Variants in CSMD1 observed in about 807,000 individuals in gnomAD.
The protein encoded by CSMD1 is CUB and sushi domain-containing protein 1.
CSMD1 carries 213 observed loss-of-function variants against 417.5 expected under a neutral mutation model. That is an observed-to-expected ratio of 0.51 (90% CI 0.46 to 0.57). The LOEUF is 0.57. Among genes scored for constraint, CSMD1 ranks in the 20% least tolerant of loss-of-function variants. The pLI, the probability that CSMD1 is intolerant of heterozygous loss-of-function variation, is 0.00. For synonymous variants in CSMD1, 2,862 were observed against 1,736.8 expected, an observed-to-expected ratio of 1.65 and a Z score of -16.11; for missense variants, 6,923 against 4,529.7, an observed-to-expected ratio of 1.53 and a Z score of -15.17.
At chr8:4,419,918 G>C (rs914271886) in intron 3 of CSMD1, 35 bp downstream of exon 3, 12 of 1,305,852 alleles carry the variant, frequency 9.2e-6, no homozygotes, top group South Asian at 1.3e-5. Context: ...CATTTGGACA[G>C]TGAATGCATG....
chr8:4,221,197 C>A (rs1439028639), intron 3 of CSMD1, among the ~76,000 whole-genome samples: 1 of 152,154 alleles, frequency 6.6e-6, no homozygotes, highest in Non-Finnish European at 1.5e-5. Context: ...TGGCTTTAGT[C>A]TCTGCCCCAT....
intron 5 of CSMD1, among the ~76,000 whole-genome samples, chr8:3,986,221 C>T (rs897876729): frequency 2.0e-5 from 3 of 152,088 alleles, no homozygotes; most frequent in Non-Finnish European, 4.4e-5. Context: ...GCAAAGACAC[C>T]AGATGGAGGA....
At chr8:2,991,053 T>G (rs967261177) in intron 54 of CSMD1, among the ~76,000 whole-genome samples, 3 of 152,210 alleles carry the variant, frequency 2.0e-5, no homozygotes, top group Non-Finnish European at 4.4e-5. Context: ...TCAGATAAAC[T>G]TGGGCTCATA....
At chr8:4,255,246 T>G (rs556370852) in intron 3 of CSMD1, among the ~76,000 whole-genome samples, 1 of 152,254 alleles carries the variant, frequency 6.6e-6, no homozygotes, top group African/African-American at 2.4e-5. Flanking sequence ...TGACTAAAAT[T>G]TTATCCAGTG....
intron 12 of CSMD1, among the ~76,000 whole-genome samples, chr8:3,423,825 T>G (rs1813652649): frequency 6.6e-6 from 1 of 152,198 alleles, no homozygotes; most frequent in African/African-American, 2.4e-5. Flanking sequence ...CGACCTTGTC[T>G]CTCCTCACAA....
chr8:3,933,195 T>C lies in CSMD1; in HGVS notation c.818+64708A>G, dbSNP rs928264977. 4.6e-5 allele frequency among the ~76,000 whole-genome samples: 7 copies of C among 152,108 alleles called. 1 individual carries two copies. Among genetic ancestry groups the C allele is most frequent in the Non-Finnish European group, 1.0e-4 (7 of 68,016 alleles). ...GGTAATACCTAGTGAATCTCCATTT[T>C]TTCCAAAACAATTTCTTGTTAAGTA... is the stretch of plus-strand genomic sequence containing the variant. On this transcript the variant is annotated intron_variant, in intron 5 of 69. Coordinates refer to ENST00000635120, the MANE Select transcript of CSMD1 (RefSeq NM_033225.6).
chr8:3,058,737 A>G (rs1165853000), intron 49 of CSMD1, among the ~76,000 whole-genome samples: 1 of 151,930 alleles, frequency 6.6e-6, no homozygotes, highest in Non-Finnish European at 1.5e-5. Context: ...GTGGTCTCGG[A>G]GGAGCAAGGA....
intron 6 of CSMD1, among the ~76,000 whole-genome samples, chr8:3,740,220 C>G (rs1796725822): frequency 1.3e-5 from 2 of 152,128 alleles, no homozygotes; most frequent in Admixed American, 6.5e-5. Flanking sequence ...AGTCTCCTGC[C>G]TCAGCCTCCC....
At chr8:4,173,618 T>C (rs1349589082) in intron 3 of CSMD1, among the ~76,000 whole-genome samples, 1 of 152,096 alleles carries the variant, frequency 6.6e-6, no homozygotes, top group East Asian at 1.9e-4. Context: ...ATACATAGCT[T>C]TGTGGAAGTT....
At chr8:4,184,113 A>T (rs958611547) in intron 3 of CSMD1, among the ~76,000 whole-genome samples, 1 of 152,248 alleles carries the variant, frequency 6.6e-6, no homozygotes, top group Non-Finnish European at 1.5e-5. Flanking sequence ...AATGTTAACT[A>T]TAATTTCTAA....
intron 48 of CSMD1, among the ~76,000 whole-genome samples, chr8:3,089,065 T>G (rs2129007064): frequency 6.6e-6 from 1 of 152,212 alleles, no homozygotes; most frequent in South Asian, 2.1e-4. Context: ...GGATAAGACA[T>G]GAAGGGCCCT....
chr8:3,335,956 A>G (rs1341554180), intron 23 of CSMD1, among the ~76,000 whole-genome samples: 1 of 152,184 alleles, frequency 6.6e-6, no homozygotes, highest in African/African-American at 2.4e-5. Flanking sequence ...CAGCGCTTGT[A>G]GATTTTTATT....
At chr8:4,550,213 T>C (rs1585236744) in intron 2 of CSMD1, among the ~76,000 whole-genome samples, 1 of 151,944 alleles carries the variant, frequency 6.6e-6, no homozygotes, top group African/African-American at 2.4e-5. Context: ...CCTGTACCTC[T>C]TGAAAGCACA....
intron 2 of CSMD1, among the ~76,000 whole-genome samples, chr8:4,576,775 G>C (rs117483521): frequency 1.7e-3 from 253 of 152,100 alleles, no homozygotes; most frequent in African/African-American, 2.8e-3. Flanking sequence ...GCTAATTCAA[G>C]TGATATTAAG....
chr8:4,250,974 T>C (rs990073916), intron 3 of CSMD1, among the ~76,000 whole-genome samples: 1 of 152,164 alleles, frequency 6.6e-6, no homozygotes, highest in African/African-American at 2.4e-5. Context: ...ACTAGGTGAA[T>C]TGATTAGACA....
intron 2 of CSMD1, among the ~76,000 whole-genome samples, chr8:4,559,982 C>T (rs1351378670): frequency 1.3e-5 from 2 of 152,208 alleles, no homozygotes; most frequent in East Asian, 3.9e-4. Flanking sequence ...AAATGTGCAC[C>T]TCCTGGCTGT....
At chr8:3,520,238 T>C (rs960756104) in intron 10 of CSMD1, among the ~76,000 whole-genome samples, 3 of 152,036 alleles carry the variant, frequency 2.0e-5, no homozygotes, top group Non-Finnish European at 2.9e-5. Context: ...AAGTTGATTA[T>C]AGGTTGGCCA....
intron 6 of CSMD1, among the ~76,000 whole-genome samples, chr8:3,714,898 C>A (rs1245768151): frequency 1.3e-5 from 2 of 152,156 alleles, no homozygotes; most frequent in Admixed American, 1.3e-4. Flanking sequence ...ACACAACACA[C>A]CTGGAGAAAT....
At chr8:4,319,180 TTC>T (rs1190758782) in intron 3 of CSMD1, among the ~76,000 whole-genome samples, 1 of 152,158 alleles carries the variant, frequency 6.6e-6, no homozygotes, top group Non-Finnish European at 1.5e-5. Flanking sequence ...GTTAGTCAAT[TTC>T]CCCCAGTAAT....
Sources: gnomAD v4.1 joint callset for allele counts (sites outside exome capture counted in the v4.1 genomes callset) on GRCh38, gnomAD v4.1.1 for gene constraint, MANE v1.5 for transcripts, NCBI Gene and HGNC (gene_info 2026-07-23, HGNC 2026-07-21) for gene names.